Variants in FGFR1 observed in about 807,000 individuals in gnomAD.
FGFR1 encodes the protein FGFR1/PLAG1 fusion.
Under a neutral mutation model 93.7 loss-of-function variants are expected in FGFR1, and 18 were observed. The observed-to-expected ratio is 0.19, with a 90% CI of 0.13 to 0.28. The LOEUF is 0.28. FGFR1 is among the 10% of genes least tolerant of loss of function. FGFR1 has a pLI of 1.00. For synonymous variants in FGFR1, 448 were observed against 429.3 expected (o/e 1.04, Z -0.54); for missense variants, 731 against 1,080.4 (o/e 0.68, Z 4.53).
intron 2 of FGFR1, among the ~76,000 whole-genome samples, chr8:38,449,851 T>A (rs1288862314): frequency 2.0e-5 from 3 of 152,234 alleles, no homozygotes; most frequent in Non-Finnish European, 4.4e-5. Context: ...AGTAGATACC[T>A]GTTTGGCAAG....
At position 38,411,153 on chromosome 8, in the gene FGFR1, T is replaced by C. The variant is rs754198571; in HGVS notation, c.*2475A>G. 1 of 192,750 alleles carries C rather than the reference T, an allele frequency of 5.2e-6. No homozygotes were observed. The highest frequency in any genetic ancestry group is 2.3e-5 in the African/African-American group (1 of 43,102). The allele number at this position is 192,750 out of a possible 1,614,324, so 11.9% of individuals were successfully genotyped here. ...TCATTTTCTCTCAGGTCAATTTCAC[T>C]GTCTTTTATTTGACAGCTAGCGCAG... On this transcript the variant is annotated 3_prime_UTR_variant, in exon 18 of 18. Transcript: ENST00000447712.
At chr8:38,459,841 G>A (rs1049567624) in intron 1 of FGFR1, among the ~76,000 whole-genome samples, 2 of 152,088 alleles carry the variant, frequency 1.3e-5, no homozygotes, top group African/African-American at 2.4e-5. Context: ...TAAATCCAAG[G>A]TAACTCTGGT....
chr8:38,452,284 C>CA (rs1026228248), intron 2 of FGFR1, among the ~76,000 whole-genome samples: 4 of 151,636 alleles, frequency 2.6e-5, no homozygotes, highest in African/African-American at 7.3e-5. Context: ...GGGGAAAACT[C>CA]AGTGTGAACA....
At chr8:38,431,371 CG>C (rs879701740) in intron 2 of FGFR1, among the ~76,000 whole-genome samples, 1 of 152,214 alleles carries the variant, frequency 6.6e-6, no homozygotes, top group Non-Finnish European at 1.5e-5. Flanking sequence ...AACCTGAGTG[CG>C]GTGATGTGTC....
chr8:38,453,126 C>G (rs1377230984), intron 2 of FGFR1, among the ~76,000 whole-genome samples: 3 of 152,198 alleles, frequency 2.0e-5, no homozygotes, highest in Non-Finnish European at 4.4e-5. Context: ...CTGGGCACAG[C>G]AGTTCTCTGT....
chr8:38,440,173 G>A, intron 2 of FGFR1: 1 of 730,164 alleles, frequency 1.4e-6, no homozygotes, highest in Non-Finnish European at 2.4e-6. Flanking sequence ...GCAATTGTGG[G>A]TGGGGGAGGA....
At chr8:38,463,094 C>T (rs1834785823) in intron 1 of FGFR1, 1 of 152,382 alleles carries the variant, frequency 6.6e-6, no homozygotes, top group South Asian at 2.1e-4. Flanking sequence ...TTGGTAGACA[C>T]AGGGTCTCAC....
At chr8:38,422,071 CA>C in intron 7 of FGFR1, 130 bp from the exon 8 acceptor site, 2 of 1,154,724 alleles carry the variant, frequency 1.7e-6, no homozygotes, top group Non-Finnish European at 2.5e-6. Context: ...TTCTTTGCAA[CA>C]AGGAACAAAC....
chr8:38,457,040 C>T (rs1298463236), intron 2 of FGFR1, among the ~76,000 whole-genome samples: 2 of 152,208 alleles, frequency 1.3e-5, no homozygotes. Context: ...TAAAGTGTGA[C>T]ACTAGGGTCC....
rs911597866 is a variant in FGFR1, at chr8:38,411,406, A to G, written c.*2222T>C. On this transcript the variant is annotated 3_prime_UTR_variant, in exon 18 of 18. Coordinates refer to ENST00000447712, the MANE Select transcript of FGFR1 (RefSeq NM_023110.3). ...CGGTCTCAAAGCAAATGCTTTTAAGAGCTAAAAATTCATTTCCTAGTTCTG... is the reference window on the plus strand; with the variant it reads ...CGGTCTCAAAGCAAATGCTTTTAAGGGCTAAAAATTCATTTCCTAGTTCTG... The G allele has an allele frequency of 1.3e-5, 3 of 222,540 alleles. No homozygotes were observed. Among genetic ancestry groups the G allele is most frequent in the Non-Finnish European group, 2.7e-5 (3 of 111,362 alleles). The allele number at this position is 222,540 out of a possible 1,614,324, so 13.8% of individuals were successfully genotyped here.
At chr8:38,443,496 CA>C (rs57381266) in intron 2 of FGFR1, among the ~76,000 whole-genome samples, 53,945 of 104,924 alleles carry the variant, frequency 0.51, 10,614 homozygotes, top group East Asian at 0.64. Flanking sequence ...CTCATCTCTA[CA>C]AAAAAAAAAA....
At chr8:38,461,220 C>A (rs1834331506) in intron 1 of FGFR1, 14 of 1,283,234 alleles carry the variant, frequency 1.1e-5, no homozygotes, top group Non-Finnish European at 1.4e-5. Flanking sequence ...ATAGCAGGGG[C>A]TGGACGGACC....
At position 38,426,883 on chromosome 8, in the gene FGFR1, C is replaced by T. The variant is rs926989079; in HGVS notation, c.622-638G>A. 2.6e-5 allele frequency among the ~76,000 whole-genome samples: 4 copies of T among 152,186 alleles called. No individual in the cohort carries two copies. The highest frequency in any genetic ancestry group is 4.4e-5 in the Non-Finnish European group (3 of 68,028). ...ATCCCAGCTCTTTGGGAGGCCCAGG[C>T]GGACAGATCACTTGAGGTCATGAGT... On this transcript the variant is annotated intron_variant, in intron 5 of 17. Transcript: ENST00000447712. This position sits in a 1 kb window ranked among gnomAD's most constrained non-coding sequence, Gnocchi z 4.1.
intron 2 of FGFR1, among the ~76,000 whole-genome samples, chr8:38,434,041 C>T (rs1586453393): frequency 6.6e-6 from 1 of 152,336 alleles, no homozygotes; most frequent in South Asian, 2.1e-4. Flanking sequence ...TGACTGGCTT[C>T]TTTCACTTAG....
Position 38,434,499 on chromosome 8 carries a change from A to C in FGFR1, c.92-4551T>G, listed in dbSNP as rs549106397. ...GTCAGTGGGTAGCTTGTGGATTCTC[A>C]TCTGGAAACGATCCCATGTCTCTGA... On this transcript the variant is annotated intron_variant, in intron 2 of 17. Transcript: ENST00000447712. 6.7e-5 allele frequency: 26 copies of C among 390,864 alleles called. No individual in the cohort carries two copies. The South Asian group carries it at 7.0e-4, about 11-fold the overall frequency. 24.2% of individuals were successfully genotyped at this position (390,864 alleles called of 1,614,324 possible). A position where few individuals can be genotyped will look rare whatever the true frequency, so the allele number is the denominator to read the frequency against.
At chr8:38,436,175 A>G (rs1489486729) in intron 2 of FGFR1, among the ~76,000 whole-genome samples, 1 of 152,066 alleles carries the variant, frequency 6.6e-6, no homozygotes, top group African/African-American at 2.4e-5. Flanking sequence ...AGGAGTTCAA[A>G]ACCAGCCCTG....
chr8:38,429,487 G>T lies in FGFR1; in HGVS notation c.358+195C>A. ...GAAGCCCCAGATCTCCGGCCCTGGG[G>T]CCCACCCCACCTAGTCACCTCTCTG... On this transcript the variant is annotated intron_variant, in intron 3 of 17. Transcript: ENST00000447712. This position sits in a 1 kb window ranked among gnomAD's most constrained non-coding sequence, Gnocchi z 4.4. 1 of 726,714 alleles carries T rather than the reference G, an allele frequency of 1.4e-6. No individual in the cohort carries two copies. The highest frequency in any genetic ancestry group is 2.4e-6 in the Non-Finnish European group (1 of 411,940). The allele number at this position is 726,714 out of a possible 1,614,324, so 45.0% of individuals were successfully genotyped here. A position where few individuals can be genotyped will look rare whatever the true frequency, so the allele number is the denominator to read the frequency against.
Position 38,413,248 on chromosome 8 carries a change from G to A in FGFR1, c.*380C>T, listed in dbSNP as rs2150496909. ...TGCCACCAGAGTGCGAGGGGCTTAT[G>A]GGTGAAGGCAAAACAGACCAAACCG... On this transcript the variant is annotated 3_prime_UTR_variant, in exon 18 of 18. Transcript: ENST00000447712. The surrounding 1 kb of genome is among the most constrained non-coding windows in gnomAD (Gnocchi z 4.2). 3.0e-6 allele frequency: 1 copy of A among 338,296 alleles called. No individual in the cohort carries two copies. The highest frequency in any genetic ancestry group is 4.7e-5 in the East Asian group (1 of 21,198). The allele number at this position is 338,296 out of a possible 1,614,324, so 21.0% of individuals were successfully genotyped here. A position where few individuals can be genotyped will look rare whatever the true frequency, so the allele number is the denominator to read the frequency against.
At chr8:38,467,380 C>G (rs1325583532) in intron 1 of FGFR1, among the ~76,000 whole-genome samples, 1 of 152,156 alleles carries the variant, frequency 6.6e-6, no homozygotes, top group Non-Finnish European at 1.5e-5. Context: ...CCCTCCACGT[C>G]CTCCGCAGTT....
Sources: allele counts gnomAD v4.1 joint callset (sites outside exome capture counted in the v4.1 genomes callset), GRCh38; gene constraint gnomAD v4.1.1; non-coding constraint Gnocchi (gnomAD v3.1); transcripts MANE v1.5; gene names NCBI Gene and HGNC (gene_info 2026-07-23, HGNC 2026-07-21).